The following ARHGEF26 variants were observed in gnomAD, a reference collection of about 807,000 sequenced individuals.
ARHGEF26 encodes the protein Rho guanine nucleotide exchange factor 26, also known as Rho guanine nucleotide exchange factor (GEF) 26.
ARHGEF26 carries 59 observed loss-of-function variants against 89.4 expected under a neutral mutation model. That is an observed-to-expected ratio of 0.66 (90% CI 0.54 to 0.82). The LOEUF (loss-of-function observed/expected upper bound fraction) is 0.82, where lower values mean the gene tolerates loss of function less well. Ranked by LOEUF, ARHGEF26 falls within the 40% of genes least tolerant of loss-of-function variation. ARHGEF26 has a pLI of 0.00. For missense variants in ARHGEF26, 1,234 were observed against 1,085.6 expected, an observed-to-expected ratio of 1.14 and a Z score of -1.92; for synonymous variants, 500 against 428.4, an observed-to-expected ratio of 1.17 and a Z score of -2.06.
intron 4 of ARHGEF26, among the ~76,000 whole-genome samples, chr3:154,138,202 G>T (rs1202570327): frequency 6.6e-6 from 1 of 152,014 alleles, no homozygotes; most frequent in Non-Finnish European, 1.5e-5. Context: ...ATGAGCCATA[G>T]GCTTTCTCTG....
chr3:154,173,336 G>C (rs1289885078), intron 6 of ARHGEF26, among the ~76,000 whole-genome samples: 1 of 151,754 alleles, frequency 6.6e-6, no homozygotes. Flanking sequence ...AATGTAAGTT[G>C]GTAAGATTTT....
chr3:154,177,851 A>T (rs1712922442), intron 6 of ARHGEF26, among the ~76,000 whole-genome samples: 1 of 152,186 alleles, frequency 6.6e-6, no homozygotes, highest in Non-Finnish European at 1.5e-5. Context: ...ATGTGAACAA[A>T]ACTAGCTGAT....
intron 4 of ARHGEF26, among the ~76,000 whole-genome samples, chr3:154,132,724 T>C (rs1371932308): frequency 6.6e-6 from 1 of 152,030 alleles, no homozygotes; most frequent in African/African-American, 2.4e-5. Context: ...TAATATGTAA[T>C]ATATAAATAT....
At chr3:154,160,662 G>A (rs1324343915) in intron 6 of ARHGEF26, among the ~76,000 whole-genome samples, 2 of 152,030 alleles carry the variant, frequency 1.3e-5, no homozygotes, top group Admixed American at 6.6e-5. Context: ...CCTCTGAAAG[G>A]TGGTGCATTG....
rs542449794 is a variant in ARHGEF26, at chr3:154,197,263, G to A, written c.1845+2545G>A. On this transcript the variant is annotated intron_variant, in intron 9 of 14. Coordinates refer to ENST00000465093, the MANE Select transcript of ARHGEF26 (RefSeq NM_015595.4). Reference sequence around the variant, plus strand: ...CCAGCGTTACAGGGAAACTGAAATCGTTGATATAGTCAGCTCAATAATTAA... The same window carrying A: ...CCAGCGTTACAGGGAAACTGAAATCATTGATATAGTCAGCTCAATAATTAA... Among the ~76,000 whole-genome samples the A allele has an allele frequency of 3.9e-5, 6 of 152,184 alleles. No homozygotes were observed. The East Asian group carries it at 9.7e-4, about 24-fold the overall frequency.
In ARHGEF26 at chr3:154,255,354, C is replaced by T. The variant is rs181692600; in HGVS notation, c.2497C>T (p.Arg833Ter). 1.2e-5 allele frequency: 20 copies of T among 1,613,238 alleles called. No homozygotes were observed. Among genetic ancestry groups the T allele is most frequent in the Admixed American group, 5.0e-5 (3 of 59,930 alleles). ...SDGWYEGERL[R>*]DGERGWFPME... Reference sequence around the variant, plus strand: ...AGGCTGGTATGAGGGGGAACGACTACGAGATGGAGAAAGAGGCTGGTTTCC... The same window carrying T: ...AGGCTGGTATGAGGGGGAACGACTATGAGATGGAGAAAGAGGCTGGTTTCC... Residue 833 changes from arginine (R) to a stop codon, truncating the protein, a stop_gained, in exon 15 of 15, where the codon CGA (arginine) becomes TGA (stop). Transcript: ENST00000465093. LOFTEE classifies it high-confidence loss of function.
intron 11 of ARHGEF26, among the ~76,000 whole-genome samples, chr3:154,234,512 T>C (rs1716993597): frequency 6.6e-6 from 1 of 152,172 alleles, no homozygotes; most frequent in South Asian, 2.1e-4. Context: ...AATATCCTGG[T>C]TTAAGGAGTG....
chr3:154,194,507 T>C, intron 8 of ARHGEF26, 137 bp from the exon 9 acceptor site: 1 of 606,444 alleles, frequency 1.6e-6, no homozygotes, highest in Non-Finnish European at 2.9e-6. Context: ...AATTGGGTTT[T>C]AATATTATCC....
chr3:154,246,359 G>T (rs1717801757), intron 12 of ARHGEF26, among the ~76,000 whole-genome samples: 1 of 152,206 alleles, frequency 6.6e-6, no homozygotes, highest in Non-Finnish European at 1.5e-5. Flanking sequence ...AGGGGTGGCA[G>T]TCAATGGGCA....
In ARHGEF26 at chr3:154,191,359, A is replaced by G; in HGVS notation, c.1711A>G (p.Met571Val). ...ESHEDCRNLP[M>V]ISFLILPMQR... The stretch of plus-strand genomic sequence containing the variant: ...CCATGAAGACTGTAGGAACTTACCC[A>G]TGATCTCTTTTCTCATTCTCCCCAT... The change falls in exon 8 of 15, where the codon ATG (methionine) becomes GTG (valine). Residue 571 changes from methionine (M) to valine (V), a missense_variant. Met to Val is a conservative substitution (Grantham distance 21). Coordinates refer to ENST00000465093, the MANE Select transcript of ARHGEF26 (RefSeq NM_015595.4). The G allele has an allele frequency of 2.5e-6, 4 of 1,613,812 alleles. No homozygotes were observed. Among genetic ancestry groups the G allele is most frequent in the Non-Finnish European group, 3.4e-6 (4 of 1,179,810 alleles).
intron 11 of ARHGEF26, among the ~76,000 whole-genome samples, chr3:154,235,450 T>C (rs1052160854): frequency 6.6e-6 from 1 of 152,214 alleles, no homozygotes; most frequent in African/African-American, 2.4e-5. Context: ...CTAATCACTT[T>C]ACTGAATTCA....
At chr3:154,199,663 T>A (rs1360347453) in intron 9 of ARHGEF26, among the ~76,000 whole-genome samples, 1 of 152,226 alleles carries the variant, frequency 6.6e-6, no homozygotes, top group Admixed American at 6.5e-5. Flanking sequence ...GTGGTTGTAC[T>A]AATTTACATG....
At chr3:154,250,294 T>G (rs1718053380) in intron 12 of ARHGEF26, among the ~76,000 whole-genome samples, 1 of 152,050 alleles carries the variant, frequency 6.6e-6, no homozygotes, top group Non-Finnish European at 1.5e-5. Context: ...CCAAAAGTGC[T>G]GGGATTACAA....
intron 13 of ARHGEF26, 43 bp downstream of exon 13, chr3:154,253,226 G>T: frequency 6.2e-7 from 1 of 1,609,568 alleles, no homozygotes; most frequent in Admixed American, 1.7e-5. Flanking sequence ...ACATGGATGG[G>T]CTCTGCCCCC....
chr3:154,145,748 G>T (rs913705302), intron 4 of ARHGEF26, among the ~76,000 whole-genome samples: 6 of 152,164 alleles, frequency 3.9e-5, no homozygotes, highest in African/African-American at 1.4e-4. Flanking sequence ...CAAGAGACTG[G>T]TGCTAATCTT....
intron 6 of ARHGEF26, among the ~76,000 whole-genome samples, chr3:154,180,477 A>G (rs1361479653): frequency 2.0e-5 from 3 of 150,538 alleles, no homozygotes; most frequent in African/African-American, 7.4e-5. Context: ...ATGTTCCACC[A>G]CTTCTCAGTT....
At chr3:154,219,285 A>G (rs993955944) in intron 10 of ARHGEF26, among the ~76,000 whole-genome samples, 1 of 152,140 alleles carries the variant, frequency 6.6e-6, no homozygotes, top group Admixed American at 6.5e-5. Context: ...GTCACTTGGT[A>G]TAAGATTACT....
At chr3:154,248,601 C>T (rs1717934735) in intron 12 of ARHGEF26, among the ~76,000 whole-genome samples, 1 of 152,012 alleles carries the variant, frequency 6.6e-6, no homozygotes, top group Non-Finnish European at 1.5e-5. Context: ...TCCTCATCAC[C>T]AACCCCAATA....
chr3:154,249,413 A>T (rs992787303), intron 12 of ARHGEF26, among the ~76,000 whole-genome samples: 10 of 152,258 alleles, frequency 6.6e-5, no homozygotes, highest in African/African-American at 2.4e-4. Context: ...GAAACTGTAG[A>T]AACATCATTT....
Sources: gnomAD v4.1 joint callset for allele counts (sites outside exome capture counted in the v4.1 genomes callset) on GRCh38, gnomAD v4.1.1 for gene constraint, MANE v1.5 for transcripts, NCBI Gene and HGNC (gene_info 2026-07-23, HGNC 2026-07-21) for gene names.